The following AGBL4 variants were observed in gnomAD, a reference collection of about 807,000 sequenced individuals.
The protein encoded by AGBL4 is cytosolic carboxypeptidase 6.
AGBL4 carries 58 observed loss-of-function variants against 66.4 expected under a neutral mutation model. The ratio of observed to expected loss-of-function variants is 0.87; its 90% CI spans 0.71 to 1.09. The LOEUF (loss-of-function observed/expected upper bound fraction) is 1.09, where lower values mean the gene tolerates loss of function less well. Ranked by LOEUF, AGBL4 falls within the 50% of genes least tolerant of loss-of-function variation. The probability of loss-of-function intolerance (pLI) is 0.00; values close to 1 mark genes in which losing one functional copy is unlikely to be tolerated. For synonymous variants in AGBL4, 234 were observed against 222.9 expected, an observed-to-expected ratio of 1.05 and a Z score of -0.44; for missense variants, 579 against 631.0, an observed-to-expected ratio of 0.92 and a Z score of 0.88.
intron 6 of AGBL4, among the ~76,000 whole-genome samples, chr1:48,829,856 C>T (rs145078205): frequency 6.6e-6 from 1 of 152,070 alleles, no homozygotes; most frequent in Non-Finnish European, 1.5e-5. Context: ...TTCTAAATTC[C>T]ACCAGCTTAA....
chr1:49,741,290 A>C (rs964032240), intron 2 of AGBL4, among the ~76,000 whole-genome samples: 1 of 152,250 alleles, frequency 6.6e-6, no homozygotes, highest in African/African-American at 2.4e-5. Context: ...AAAATGAACT[A>C]GAAAATCTAG....
At chr1:49,364,893 G>A (rs1434314586) in intron 3 of AGBL4, among the ~76,000 whole-genome samples, 2 of 152,164 alleles carry the variant, frequency 1.3e-5, no homozygotes, top group Non-Finnish European at 2.9e-5. Context: ...ACCCAGTAAC[G>A]TGACACCATC....
rs575637148 is a variant in AGBL4 at position 49,122,201 on chromosome 1, C to T, written c.378-76401G>A. On this transcript the variant is annotated intron_variant, in intron 4 of 13. Transcript: ENST00000371839. ...AACGCCCTGCCCTGCTTTGCCTCGCCCTCCATGGGCTGCATCCACTGTCCA... is the reference window on the plus strand; with the variant it reads ...AACGCCCTGCCCTGCTTTGCCTCGCTCTCCATGGGCTGCATCCACTGTCCA... Among the ~76,000 whole-genome samples the T allele has an allele frequency of 2.4e-4, 36 of 152,278 alleles. No homozygotes were observed. In the South Asian group the frequency reaches 5.4e-3, roughly 23 times the overall value.
intron 2 of AGBL4, among the ~76,000 whole-genome samples, chr1:49,787,582 C>G (rs1644490230): frequency 6.6e-6 from 1 of 151,782 alleles, no homozygotes; most frequent in Non-Finnish European, 1.5e-5. Context: ...AGTACTATGT[C>G]GGGAGTTTCC....
intron 2 of AGBL4, among the ~76,000 whole-genome samples, chr1:49,757,737 A>C (rs1051557320): frequency 3.9e-5 from 6 of 152,184 alleles, no homozygotes; most frequent in African/African-American, 1.4e-4. Flanking sequence ...GAGTTGATTT[A>C]GGGTGTCTGG....
intron 3 of AGBL4, among the ~76,000 whole-genome samples, chr1:49,392,666 A>C (rs889970843): frequency 1.3e-5 from 2 of 151,756 alleles, no homozygotes; most frequent in African/African-American, 4.8e-5. Context: ...CCAATTTCAC[A>C]TGTCAACTAA....
intron 2 of AGBL4, among the ~76,000 whole-genome samples, chr1:49,733,493 C>G (rs1310938055): frequency 6.6e-6 from 1 of 152,134 alleles, no homozygotes. Context: ...GGCTGGGTGG[C>G]TTGAACAACG....
intron 5 of AGBL4, among the ~76,000 whole-genome samples, chr1:48,927,476 C>T (rs1413906997): frequency 6.6e-6 from 1 of 152,136 alleles, no homozygotes; most frequent in East Asian, 1.9e-4. Context: ...ATGGGAGCTA[C>T]AATTCGAGAT....
chr1:49,812,312 G>A lies in AGBL4; in HGVS notation c.157+39084C>T, dbSNP rs554534729. 2.6e-5 allele frequency among the ~76,000 whole-genome samples: 4 copies of A among 152,198 alleles called. No homozygotes were observed. In the South Asian group the frequency reaches 8.3e-4, roughly 32 times the overall value. ...CAATGCTTCCAAGGTGGAACGAAAG[G>A]GAGAAATATCCATAGGGATCCCTCT... On this transcript the variant is annotated intron_variant, in intron 2 of 13. Transcript: ENST00000371839.
chr1:48,995,358 C>T (rs1660921608), intron 5 of AGBL4, among the ~76,000 whole-genome samples: 1 of 152,144 alleles, frequency 6.6e-6, no homozygotes, highest in Admixed American at 6.5e-5. Context: ...ATACTAAAGC[C>T]TTGAGAGCAG....
chr1:49,099,892 C>G (rs557324188), intron 4 of AGBL4, among the ~76,000 whole-genome samples: 2 of 152,102 alleles, frequency 1.3e-5, no homozygotes, highest in Non-Finnish European at 2.9e-5. Context: ...TATAACAGAA[C>G]AGCAAATTTC....
At position 48,758,863 on chromosome 1, in the gene AGBL4, C is replaced by T. The variant is rs772921005; in HGVS notation, c.635-95622G>A. 51 of 1,462,618 alleles carry T rather than the reference C, an allele frequency of 3.5e-5. 1 individual carries two copies. In the South Asian group the frequency reaches 6.8e-4, roughly 20 times the overall value. 90.6% of individuals were successfully genotyped at this position (1,462,618 alleles called of 1,614,324 possible). On this transcript the variant is annotated intron_variant, in intron 6 of 13. Coordinates refer to ENST00000371839, the MANE Select transcript of AGBL4 (RefSeq NM_032785.4). ...AGAGGATCTGCATGAAGTATTTCACCCAAGTGGAGTGGTAGGTGACCTGCT... is the reference window on the plus strand; with the variant it reads ...AGAGGATCTGCATGAAGTATTTCACTCAAGTGGAGTGGTAGGTGACCTGCT...
Position 49,795,039 on chromosome 1 carries a change from C to T in AGBL4, c.157+56357G>A, listed in dbSNP as rs377267165. On this transcript the variant is annotated intron_variant, in intron 2 of 13. Transcript: ENST00000371839. Reference sequence around the variant, plus strand: ...AGGTCTTCATATAAAGATAGCAATACGAAGATAGGGAAATAAAAAAGGGAA... The same window carrying T: ...AGGTCTTCATATAAAGATAGCAATATGAAGATAGGGAAATAAAAAAGGGAA... 8.2e-4 allele frequency among the ~76,000 whole-genome samples: 123 copies of T among 150,832 alleles called. 1 individual carries two copies. The East Asian group carries it at 8.5e-3, about 10-fold the overall frequency.
chr1:48,903,564 G>A (rs1046698335), intron 5 of AGBL4, among the ~76,000 whole-genome samples: 3 of 152,220 alleles, frequency 2.0e-5, no homozygotes, highest in African/African-American at 7.2e-5. Flanking sequence ...CTTCAGTGAT[G>A]TTGTCAGGGT....
chr1:49,035,260 G>A (rs944589143), intron 5 of AGBL4, among the ~76,000 whole-genome samples: 9 of 152,086 alleles, frequency 5.9e-5, no homozygotes, highest in African/African-American at 2.2e-4. Flanking sequence ...TCCAAGTCAC[G>A]CAGGTCTACT....
At chr1:49,628,924 T>TA (rs1645516480) in intron 3 of AGBL4, among the ~76,000 whole-genome samples, 1 of 152,216 alleles carries the variant, frequency 6.6e-6, no homozygotes, top group Non-Finnish European at 1.5e-5. Context: ...GATACCCTGT[T>TA]AGACTCAGCA....
intron 3 of AGBL4, among the ~76,000 whole-genome samples, chr1:49,574,303 C>G (rs183921633): frequency 6.6e-6 from 1 of 152,122 alleles, no homozygotes; most frequent in Admixed American, 6.5e-5. Flanking sequence ...TAAGTAGGGA[C>G]TCTGCTTTTA....
At chr1:48,572,949 T>C (rs563096949) in intron 11 of AGBL4, among the ~76,000 whole-genome samples, 1 of 152,122 alleles carries the variant, frequency 6.6e-6, no homozygotes, top group Non-Finnish European at 1.5e-5. Context: ...CTCAGTTCAG[T>C]GGGTTACCAG....
At chr1:48,663,580 T>G (rs1361233684) in intron 6 of AGBL4, among the ~76,000 whole-genome samples, 2 of 152,220 alleles carry the variant, frequency 1.3e-5, no homozygotes, top group African/African-American at 4.8e-5. Flanking sequence ...GTTTCCATTT[T>G]CTAATCTATA....
Sources: allele counts gnomAD v4.1 joint callset (sites outside exome capture counted in the v4.1 genomes callset), GRCh38; gene constraint gnomAD v4.1.1; transcripts MANE v1.5; gene names NCBI Gene and HGNC (gene_info 2026-07-23, HGNC 2026-07-21).